Variants in SYNJ2 observed in about 807,000 individuals in gnomAD.
SYNJ2 encodes the protein synaptojanin 2.
Under a neutral mutation model 141.3 loss-of-function variants are expected in SYNJ2, and 116 were observed. That is an observed-to-expected ratio of 0.82 (90% CI 0.71 to 0.96). SYNJ2 has a LOEUF of 0.96. SYNJ2 is among the 40% of genes least tolerant of loss of function. The probability of loss-of-function intolerance (pLI) is 0.00; values close to 1 mark genes in which losing one functional copy is unlikely to be tolerated. For missense variants in SYNJ2, 1,873 were observed against 1,934.8 expected (o/e 0.97, Z 0.60); for synonymous variants, 745 against 777.7 (o/e 0.96, Z 0.70).
At chr6:158,005,707 C>T (rs1488459807) in intron 1 of SYNJ2, among the ~76,000 whole-genome samples, 3 of 152,092 alleles carry the variant, frequency 2.0e-5, no homozygotes, top group Non-Finnish European at 4.4e-5. Flanking sequence ...TCTGTCCACT[C>T]CCCCACCCTC....
At chr6:158,082,126 C>T (rs986935481) in intron 20 of SYNJ2, among the ~76,000 whole-genome samples, 1 of 152,166 alleles carries the variant, frequency 6.6e-6, no homozygotes. Context: ...GTGGGTAGAT[C>T]ACCCAAGGTC....
intron 2 of SYNJ2, among the ~76,000 whole-genome samples, chr6:158,022,896 C>T (rs995913607): frequency 1.2e-4 from 18 of 152,274 alleles, no homozygotes; most frequent in African/African-American, 4.1e-4. Flanking sequence ...GACGGTGGCC[C>T]GGGAGTCAGC....
chr6:158,057,475 G>A (rs755226867), intron 6 of SYNJ2, among the ~76,000 whole-genome samples: 4 of 152,148 alleles, frequency 2.6e-5, no homozygotes, highest in Non-Finnish European at 4.4e-5. Flanking sequence ...ACTTTCACTC[G>A]TCTTTTTAGT....
rs142460494 is a variant in SYNJ2, at chr6:158,058,512, T to C, written c.858-745T>C. The stretch of plus-strand genomic sequence containing the variant: ...TGTTGTGGTTTAGCATAATGCAATA[T>C]AGCACTTAGATTGAAAACAGGATGC... On this transcript the variant is annotated intron_variant, in intron 6 of 26. Transcript: ENST00000355585. 1.6e-3 allele frequency among the ~76,000 whole-genome samples: 242 copies of C among 152,348 alleles called. 2 individuals are homozygous for C. The highest frequency in any genetic ancestry group is 5.3e-3 in the African/African-American group (219 of 41,588).
intron 24 of SYNJ2, 78 bp downstream of exon 24, chr6:158,088,850 T>C (rs1783252483): frequency 9.7e-7 from 1 of 1,030,946 alleles, no homozygotes. Flanking sequence ...TCAGTGAATA[T>C]ATAGATTTAT....
intron 1 of SYNJ2, among the ~76,000 whole-genome samples, chr6:158,014,824 C>T (rs1018558380): frequency 6.6e-6 from 1 of 152,218 alleles, no homozygotes; most frequent in East Asian, 1.9e-4. Context: ...GGTTCCTGAG[C>T]GAGGCAGCTC....
At chr6:158,041,843 G>C (rs1006451930) in intron 4 of SYNJ2, among the ~76,000 whole-genome samples, 1 of 152,104 alleles carries the variant, frequency 6.6e-6, no homozygotes, top group Non-Finnish European at 1.5e-5. Context: ...CGAATAGCTG[G>C]GACTACAGGC....
rs1776764168 is a variant in SYNJ2, at chr6:158,027,039, T to TG, written c.215-1715dup. The stretch of plus-strand genomic sequence containing the variant: ...TGATGGGATCAACCCCCTGCCCTGC[T>TG]GGCAGCCCCACCCCATGGCATAGCA... On this transcript the variant is annotated intron_variant, in intron 2 of 26. Transcript: ENST00000355585. The surrounding 1 kb of genome is among the most constrained non-coding windows in gnomAD (Gnocchi z 4.6). The TG allele has an allele frequency of 1.0e-6, 1 of 985,318 alleles. No individual in the cohort carries two copies. Among genetic ancestry groups the TG allele is most frequent in the African/African-American group, 1.7e-5 (1 of 57,250 alleles). 61.0% of individuals were successfully genotyped at this position (985,318 alleles called of 1,614,324 possible).
chr6:158,063,995 T>A, intron 9 of SYNJ2, 123 bp downstream of exon 9: 2 of 994,318 alleles, frequency 2.0e-6, no homozygotes, highest in Non-Finnish European at 3.0e-6. Context: ...ACCTTCTGAC[T>A]ATGGGGAAGG....
chr6:158,074,809 C>A (rs1331729520), intron 16 of SYNJ2, 71 bp downstream of exon 16: 19 of 1,552,374 alleles, frequency 1.2e-5, no homozygotes, highest in Admixed American at 7.7e-5. Flanking sequence ...GATGTAGAGG[C>A]TGGTGCAGCA....
At chr6:158,007,132 T>G (rs1191799814) in intron 1 of SYNJ2, among the ~76,000 whole-genome samples, 1 of 152,100 alleles carries the variant, frequency 6.6e-6, no homozygotes, top group East Asian at 1.9e-4. Flanking sequence ...GCCCGACTAA[T>G]ATTTTTTATT....
Position 158,000,332 on chromosome 6 carries a change from A to C in SYNJ2, c.128-16872A>C, listed in dbSNP as rs572341884. On this transcript the variant is annotated intron_variant, in intron 1 of 26. Coordinates refer to ENST00000355585, the MANE Select transcript of SYNJ2 (RefSeq NM_003898.4). ...AAACCATATGTGCCTGAGATGTGCC[A>C]CCTGTGGGGCTGTGAATAAGGAAGC... Among the ~76,000 whole-genome samples, 4 of 152,144 alleles carry C rather than the reference A, an allele frequency of 2.6e-5. No individual in the cohort carries two copies. The South Asian group carries it at 8.3e-4, about 32-fold the overall frequency.
chr6:158,050,873 C>T (rs1211323889), intron 5 of SYNJ2, among the ~76,000 whole-genome samples: 1 of 152,038 alleles, frequency 6.6e-6, no homozygotes, highest in Non-Finnish European at 1.5e-5. Context: ...GGTTAGGTGT[C>T]ATCACCCAGG....
Position 157,982,141 on chromosome 6 carries a change from C to T in SYNJ2, c.127+53C>T, listed in dbSNP as rs1034221614. 2.3e-6 allele frequency: 3 copies of T among 1,284,534 alleles called. No homozygotes were observed. Among genetic ancestry groups the T allele is most frequent in the Non-Finnish European group, 3.0e-6 (3 of 1,014,978 alleles). 79.6% of individuals were successfully genotyped at this position (1,284,534 alleles called of 1,614,324 possible). ...CCGGAGGAGAGGGCGCCCGCATTCG[C>T]CCAGCCTCGGGAAGACGGGTACCCC... On this transcript the variant is annotated intron_variant, in intron 1 of 26. Transcript: ENST00000355585. This position sits in a 1 kb window ranked among gnomAD's most constrained non-coding sequence, Gnocchi z 4.0.
intron 1 of SYNJ2, among the ~76,000 whole-genome samples, chr6:158,003,837 G>A (rs1343083948): frequency 6.6e-6 from 1 of 151,978 alleles, no homozygotes; most frequent in African/African-American, 2.4e-5. Flanking sequence ...GAATCCATGA[G>A]CCACATTTGC....
intron 4 of SYNJ2, among the ~76,000 whole-genome samples, chr6:158,041,885 A>C (rs183768577): frequency 1.1e-4 from 17 of 152,236 alleles, no homozygotes; most frequent in Admixed American, 9.8e-4. Context: ...ACTTTTTAAA[A>C]ATTGTTTTGG....
intron 3 of SYNJ2, among the ~76,000 whole-genome samples, chr6:158,033,082 G>A (rs1314036149): frequency 6.6e-6 from 1 of 152,146 alleles, no homozygotes; most frequent in South Asian, 2.1e-4. Flanking sequence ...TGGGGCCTGC[G>A]ATGAAAACTG....
intron 1 of SYNJ2, among the ~76,000 whole-genome samples, chr6:157,985,902 GA>G (rs1777183620): frequency 6.6e-6 from 1 of 152,154 alleles, no homozygotes; most frequent in Admixed American, 6.5e-5. Flanking sequence ...CTTCTGGGGG[GA>G]AAGGTTCTGT....
intron 18 of SYNJ2, 106 bp from the exon 19 acceptor site, chr6:158,081,003 G>A (rs1175336476): frequency 9.8e-7 from 1 of 1,017,160 alleles, no homozygotes; most frequent in Non-Finnish European, 1.5e-6. Flanking sequence ...TGGGGACTGG[G>A]GGCTGGAGAT....
Sources: gnomAD v4.1 joint callset for allele counts (sites outside exome capture counted in the v4.1 genomes callset) on GRCh38, gnomAD v4.1.1 for gene constraint, Gnocchi (gnomAD v3.1) non-coding constraint, MANE v1.5 for transcripts, NCBI Gene and HGNC (gene_info 2026-07-23, HGNC 2026-07-21) for gene names.